Variants in PRMT8 observed in about 807,000 individuals in gnomAD.
PRMT8 encodes the protein protein arginine methyltransferase 8, also known as protein arginine N-methyltransferase 8.
In PRMT8, 7 loss-of-function variants were observed where a neutral mutation model predicts 47.1. The ratio of observed to expected loss-of-function variants is 0.15; its 90% CI spans 0.08 to 0.28. The LOEUF (loss-of-function observed/expected upper bound fraction) is 0.28, where lower values mean the gene tolerates loss of function less well. PRMT8 is among the 10% of genes least tolerant of loss of function. The pLI, the probability that PRMT8 is intolerant of heterozygous loss-of-function variation, is 1.00. For missense variants in PRMT8, 237 were observed against 505.4 expected (o/e 0.47, Z 5.09); for synonymous variants, 188 against 186.5 (o/e 1.01, Z -0.07).
intron 2 of PRMT8, among the ~76,000 whole-genome samples, chr12:3,543,968 C>T (rs752936530): frequency 7.9e-5 from 12 of 152,156 alleles, no homozygotes; most frequent in African/African-American, 1.4e-4. Flanking sequence ...TTTGCCAATG[C>T]GGCTGTCCCT....
In PRMT8 at chr12:3,492,250, A is replaced by G. The variant is rs1865429378; in HGVS notation, c.75+550A>G. 1.3e-5 allele frequency among the ~76,000 whole-genome samples: 2 copies of G among 152,056 alleles called. No individual in the cohort carries two copies. The highest frequency in any genetic ancestry group is 3.9e-4 in the East Asian group (2 of 5,134). ...CGGCCGCGGGGGCCGAGCCGGCAGG[A>G]GGACTCGGGCACCTCCTACAGACCC... On this transcript the variant is annotated intron_variant, in intron 1 of 9. Transcript: ENST00000382622. This position sits in a 1 kb window ranked among gnomAD's most constrained non-coding sequence, Gnocchi z 7.5.
intron 8 of PRMT8, among the ~76,000 whole-genome samples, chr12:3,584,380 G>A (rs568882001): frequency 6.6e-6 from 1 of 152,116 alleles, no homozygotes; most frequent in African/African-American, 2.4e-5. Context: ...GAATTTGGAG[G>A]GGGGGACAAT....
At chr12:3,544,555 C>A (rs1355511659) in intron 2 of PRMT8, among the ~76,000 whole-genome samples, 1 of 152,156 alleles carries the variant, frequency 6.6e-6, no homozygotes, top group African/African-American at 2.4e-5. Flanking sequence ...AAGTGGGGGA[C>A]CGCCTAATGC....
At chr12:3,575,645 C>A (rs909700266) in intron 6 of PRMT8, among the ~76,000 whole-genome samples, 2 of 152,366 alleles carry the variant, frequency 1.3e-5, no homozygotes. Flanking sequence ...GTTTTCTCAT[C>A]TGCAGCATAG....
At chr12:3,562,189 C>T (rs978070415) in intron 4 of PRMT8, among the ~76,000 whole-genome samples, 1 of 151,950 alleles carries the variant, frequency 6.6e-6, no homozygotes, top group Non-Finnish European at 1.5e-5. Context: ...GACTAATAAC[C>T]ATATCAAAAA....
chr12:3,422,152 C>G (rs1864548495), intron 1 of PRMT8, among the ~76,000 whole-genome samples: 1 of 152,224 alleles, frequency 6.6e-6, no homozygotes, highest in Non-Finnish European at 1.5e-5. Flanking sequence ...TCAGTTTTCT[C>G]ACCTGTAAAA....
At chr12:3,440,427 A>G (rs1432531196) in intron 1 of PRMT8, among the ~76,000 whole-genome samples, 1 of 152,046 alleles carries the variant, frequency 6.6e-6, no homozygotes, top group African/African-American at 2.4e-5. Context: ...GCGCCACTGC[A>G]CTCCAGCCTG....
intron 1 of PRMT8, among the ~76,000 whole-genome samples, chr12:3,520,553 C>A (rs1865865747): frequency 6.6e-6 from 1 of 152,190 alleles, no homozygotes; most frequent in African/African-American, 2.4e-5. Context: ...CATAAAATAT[C>A]AAACTAAAGT....
chr12:3,472,675 A>G (rs566040703), intron 1 of PRMT8, among the ~76,000 whole-genome samples: 1 of 152,278 alleles, frequency 6.6e-6, no homozygotes, highest in South Asian at 2.1e-4. Flanking sequence ...GGCTGACTCA[A>G]AGGGATAGGA....
chr12:3,397,644 G>C (rs1310434396), intron 1 of PRMT8, among the ~76,000 whole-genome samples: 2 of 152,072 alleles, frequency 1.3e-5, no homozygotes, highest in African/African-American at 2.4e-5. Context: ...TAAGTCTGCA[G>C]AGGTTACTGC....
At chr12:3,560,203 G>A (rs549395955) in intron 4 of PRMT8, among the ~76,000 whole-genome samples, 2 of 152,296 alleles carry the variant, frequency 1.3e-5, no homozygotes, top group East Asian at 1.9e-4. Context: ...TTGGCTGCAC[G>A]GATGCTTCCA....
intron 1 of PRMT8, among the ~76,000 whole-genome samples, chr12:3,460,616 A>G (rs904879412): frequency 2.0e-5 from 3 of 152,214 alleles, no homozygotes; most frequent in African/African-American, 7.2e-5. Context: ...CACTAATTAT[A>G]TCCCTGACAT....
At chr12:3,445,518 A>G (rs1864847266) in intron 1 of PRMT8, among the ~76,000 whole-genome samples, 1 of 152,142 alleles carries the variant, frequency 6.6e-6, no homozygotes, top group East Asian at 1.9e-4. Flanking sequence ...TCAAACAGCA[A>G]TCGTTACTAC....
chr12:3,470,395 G>A (rs1865147399), intron 1 of PRMT8, among the ~76,000 whole-genome samples: 1 of 152,198 alleles, frequency 6.6e-6, no homozygotes, highest in Non-Finnish European at 1.5e-5. Context: ...AGTCCAGGTG[G>A]AGGGAAGAGG....
At chr12:3,452,749 C>A (rs983610969) in intron 1 of PRMT8, among the ~76,000 whole-genome samples, 5 of 152,166 alleles carry the variant, frequency 3.3e-5, no homozygotes, top group East Asian at 1.9e-4. Context: ...TCAGGCCTCA[C>A]CAGATGGTGA....
intron 1 of PRMT8, among the ~76,000 whole-genome samples, chr12:3,525,977 C>T (rs1007791616): frequency 6.6e-6 from 1 of 152,202 alleles, no homozygotes; most frequent in Non-Finnish European, 1.5e-5. Context: ...ATCTCCAGAA[C>T]TCTTTTCGTC....
chr12:3,489,250 T>C (rs1404864684), upstream of PRMT8, among the ~76,000 whole-genome samples: 2 of 152,040 alleles, frequency 1.3e-5, no homozygotes, highest in African/African-American at 2.4e-5. Context: ...GAGGTTCTCA[T>C]AGCAACATAA....
At chr12:3,553,605 G>T (rs1318813959) in intron 3 of PRMT8, 46 bp from the exon 4 acceptor site, 1 of 1,495,534 alleles carries the variant, frequency 6.7e-7, no homozygotes, top group Admixed American at 1.7e-5. Flanking sequence ...GGGTCTTGCT[G>T]TGATTTTTTT....
intron 2 of PRMT8, among the ~76,000 whole-genome samples, chr12:3,547,261 G>A (rs35088924): frequency 0.21 from 31,708 of 151,436 alleles, 3,656 homozygotes; most frequent in African/African-American, 0.32. Flanking sequence ...CAAGAGGAAA[G>A]AACCAAAAAA....
Sources: allele counts gnomAD v4.1 joint callset (sites outside exome capture counted in the v4.1 genomes callset), GRCh38; gene constraint gnomAD v4.1.1; non-coding constraint Gnocchi (gnomAD v3.1); transcripts MANE v1.5; gene names NCBI Gene and HGNC (gene_info 2026-07-23, HGNC 2026-07-21).